TENM2: variants seen among roughly 807,000 people sequenced by gnomAD.
TENM2 encodes the protein teneurin transmembrane protein 2, also known as teneurin-2.
Under a neutral mutation model 245.2 loss-of-function variants are expected in TENM2, and 52 were observed. The observed-to-expected ratio is 0.21, with a 90% confidence interval of 0.17 to 0.27. The LOEUF (loss-of-function observed/expected upper bound fraction) is 0.27. Ranked by LOEUF, TENM2 falls within the 10% of genes least tolerant of loss-of-function variation. TENM2 has a pLI of 1.00. For synonymous variants in TENM2, 1,363 were observed against 1,438.9 expected (o/e 0.95, Z 1.19); for missense variants, 3,046 against 3,666.8 (o/e 0.83, Z 4.37).
intron 3 of TENM2, among the ~76,000 whole-genome samples, chr5:167,925,974 G>A (rs11740181): frequency 0.2 from 29,793 of 152,084 alleles, 3,718 homozygotes; most frequent in African/African-American, 0.36. Flanking sequence ...GTGGGAGGAG[G>A]GAGAGGAGCA....
chr5:168,200,097 T>C (rs369659970), exon 17 of TENM2: 6 of 1,613,722 alleles, frequency 3.7e-6, no homozygotes, highest in South Asian at 1.1e-5. Flanking sequence ...CAGATGCGTA[T>C]GGCCAAAGGG....
At chr5:167,208,559 A>T in the TENM2 span, among the ~76,000 whole-genome samples, 1 of 152,234 alleles carries the variant, frequency 6.6e-6, no homozygotes, top group African/African-American at 2.4e-5. Flanking sequence ...TGCAGATATT[A>T]TCTTAGTATT....
At chr5:167,188,389 C>T in the TENM2 span, among the ~76,000 whole-genome samples, 770 of 152,228 alleles carry the variant, frequency 5.1e-3, 8 homozygotes, top group African/African-American at 0.018. Context: ...TCTTTTTCCT[C>T]TTAATATTTT....
intron 2 of TENM2, among the ~76,000 whole-genome samples, chr5:167,656,054 A>AC (rs2150306606): frequency 6.6e-6 from 1 of 152,344 alleles, no homozygotes; most frequent in East Asian, 1.9e-4. Flanking sequence ...CCTGAAAGAC[A>AC]CAGAACCAGT....
chr5:167,640,892 T>TATATATATATATATCC (rs1779556963), intron 2 of TENM2, among the ~76,000 whole-genome samples: 3 of 96,240 alleles, frequency 3.1e-5, no homozygotes, highest in Non-Finnish European at 4.2e-5. Flanking sequence ...TATATATATA[T>TATATATATATATATCC]ATATATATAT....
chr5:167,281,307 G>A (rs576721509), upstream of TENM2, among the ~76,000 whole-genome samples: 22 of 151,100 alleles, frequency 1.5e-4, no homozygotes, highest in African/African-American at 5.3e-4. Flanking sequence ...AGTAGAGACG[G>A]GATTTCCTCA....
chr5:167,565,703 C>A (rs11747772), intron 2 of TENM2, among the ~76,000 whole-genome samples: 1 of 151,902 alleles, frequency 6.6e-6, no homozygotes, highest in African/African-American at 2.4e-5. Flanking sequence ...TTGAGGTAGA[C>A]AGCGGTGAAG....
chr5:168,220,708 T>C (rs1168783844), intron 23 of TENM2, among the ~76,000 whole-genome samples: 1 of 152,152 alleles, frequency 6.6e-6, no homozygotes, highest in Non-Finnish European at 1.5e-5. Context: ...CAGACATAAC[T>C]TCACCTCCTG....
chr5:167,556,044 C>T (rs779621321), intron 2 of TENM2, among the ~76,000 whole-genome samples: 17 of 152,060 alleles, frequency 1.1e-4, no homozygotes, highest in Non-Finnish European at 2.4e-4. Flanking sequence ...ATTAAATTTC[C>T]TATGAACATG....
At chr5:167,532,288 G>T in intron 2 of TENM2, among the ~76,000 whole-genome samples, 1 of 148,970 alleles carries the variant, frequency 6.7e-6, no homozygotes, top group Non-Finnish European at 1.5e-5. Context: ...TGTCATGCAT[G>T]CTCTCTCTCT....
At chr5:167,549,158 C>T (rs942415281) in intron 2 of TENM2, among the ~76,000 whole-genome samples, 1 of 152,078 alleles carries the variant, frequency 6.6e-6, no homozygotes, top group Admixed American at 6.5e-5. Flanking sequence ...TGGACCTCAC[C>T]CAGGAATGAA....
intron 2 of TENM2, among the ~76,000 whole-genome samples, chr5:167,652,298 G>T (rs1754524809): frequency 6.6e-6 from 1 of 152,112 alleles, no homozygotes; most frequent in South Asian, 2.1e-4. Context: ...ACTATCAATA[G>T]TTTCTCACTG....
chr5:168,006,840 T>G (rs1445367044), intron 5 of TENM2, among the ~76,000 whole-genome samples: 1 of 152,162 alleles, frequency 6.6e-6, no homozygotes, highest in African/African-American at 2.4e-5. Flanking sequence ...ATTACCATTG[T>G]TTACTACACA....
At chr5:167,888,826 A>G (rs888196287) in intron 3 of TENM2, among the ~76,000 whole-genome samples, 1 of 152,156 alleles carries the variant, frequency 6.6e-6, no homozygotes, top group Non-Finnish European at 1.5e-5. Flanking sequence ...TCTGGTGTTT[A>G]TAAAGCCAAA....
Position 167,667,228 on chromosome 5 carries a change from A to G in TENM2, c.503-208758A>G, listed in dbSNP as rs147086395. On this transcript the variant is annotated intron_variant, in intron 2 of 28. Coordinates refer to ENST00000518659, the Ensembl canonical transcript of TENM2. ...GGTGGATAGTTTCTGGCTTGGTTCAATAGTTCACAATGCCTTTGAGGACTA... is the reference window on the plus strand; with the variant it reads ...GGTGGATAGTTTCTGGCTTGGTTCAGTAGTTCACAATGCCTTTGAGGACTA... Among the ~76,000 whole-genome samples, 249 of 152,250 alleles carry G rather than the reference A, an allele frequency of 1.6e-3. 2 individuals are homozygous for G. Among genetic ancestry groups the G allele is most frequent in the Middle Eastern group, 3.4e-3 (1 of 294 alleles).
At chr5:168,067,467 C>G (rs560945999) in intron 7 of TENM2, among the ~76,000 whole-genome samples, 24 of 152,292 alleles carry the variant, frequency 1.6e-4, no homozygotes, top group African/African-American at 5.3e-4. Flanking sequence ...GCCAACATTT[C>G]TATTTGTCCT....
chr5:167,614,923 T>C (rs1463775128), intron 2 of TENM2, among the ~76,000 whole-genome samples: 2 of 152,130 alleles, frequency 1.3e-5, no homozygotes, highest in East Asian at 1.9e-4. Context: ...TGATCTCCCC[T>C]ATCTGTGCAC....
chr5:168,232,163 G>A (rs1362412627), intron 25 of TENM2: 2 of 152,352 alleles, frequency 1.3e-5, no homozygotes, highest in Non-Finnish European at 2.9e-5. Context: ...GGGACAGTAA[G>A]GAGGGTGCTG....
At chr5:167,531,573 A>G (rs1771504657) in intron 2 of TENM2, among the ~76,000 whole-genome samples, 3 of 152,020 alleles carry the variant, frequency 2.0e-5, no homozygotes, top group South Asian at 2.1e-4. Flanking sequence ...GCTGTACAAT[A>G]TATTTCCAGA....
Sources: gnomAD v4.1 joint callset for allele counts (sites outside exome capture counted in the v4.1 genomes callset) on GRCh38, gnomAD v4.1.1 for gene constraint, MANE v1.5 for transcripts, NCBI Gene and HGNC (gene_info 2026-07-23, HGNC 2026-07-21) for gene names.